Variants in PTPN4 observed in about 807,000 individuals in gnomAD.
The protein encoded by PTPN4 is tyrosine-protein phosphatase non-receptor type 4.
In PTPN4, 49 loss-of-function variants were observed where a neutral mutation model predicts 135.5. That is an observed-to-expected ratio of 0.36 (90% confidence interval 0.29 to 0.46). The LOEUF is 0.46. Among genes scored for constraint, PTPN4 ranks in the 20% least tolerant of loss-of-function variants. The pLI, the probability that PTPN4 is intolerant of heterozygous loss-of-function variation, is 1.00. For synonymous variants in PTPN4, 333 were observed against 369.9 expected, an observed-to-expected ratio of 0.90 and a Z score of 1.14; for missense variants, 860 against 1,101.0, an observed-to-expected ratio of 0.78 and a Z score of 3.10.
chr2:119,781,691 A>G (rs532243334), intron 1 of PTPN4, among the ~76,000 whole-genome samples: 1 of 152,354 alleles, frequency 6.6e-6, no homozygotes, highest in South Asian at 2.1e-4. Context: ...AATAAAAAAT[A>G]TTTCATGACC....
intron 5 of PTPN4, 49 bp from the exon 6 acceptor site, chr2:119,881,737 T>C: frequency 7.8e-7 from 1 of 1,285,064 alleles, no homozygotes; most frequent in Non-Finnish European, 1.1e-6. Flanking sequence ...AGAATTGAAA[T>C]TGTTACAATT....
intron 10 of PTPN4, among the ~76,000 whole-genome samples, chr2:119,906,879 C>T (rs766397356): frequency 6.6e-6 from 1 of 152,160 alleles, no homozygotes; most frequent in Admixed American, 6.5e-5. Flanking sequence ...TCAAATTGTT[C>T]CTCTTTGCAG....
intron 1 of PTPN4, among the ~76,000 whole-genome samples, chr2:119,764,739 T>C (rs1282014317): frequency 6.6e-6 from 1 of 152,230 alleles, no homozygotes; most frequent in African/African-American, 2.4e-5. Context: ...TATTGTCTTA[T>C]GAATTTAGTT....
At chr2:119,956,782 T>C (rs1040983354) in intron 20 of PTPN4, 62 bp from the exon 21 acceptor site, 7 of 1,575,572 alleles carry the variant, frequency 4.4e-6, no homozygotes, top group Non-Finnish European at 6.0e-6. Flanking sequence ...ACAAGTCTGG[T>C]AAACAAAAGA....
chr2:119,930,891 A>G (rs1678895721), intron 13 of PTPN4, among the ~76,000 whole-genome samples: 6 of 151,892 alleles, frequency 4.0e-5, no homozygotes, highest in Admixed American at 3.3e-4. Flanking sequence ...AAAATATCCC[A>G]ATGAGCTAAA....
intron 9 of PTPN4, among the ~76,000 whole-genome samples, chr2:119,889,013 A>T (rs1678199804): frequency 6.6e-6 from 1 of 151,972 alleles, no homozygotes; most frequent in Non-Finnish European, 1.5e-5. Context: ...ACTACACATT[A>T]TTGGTCTCTT....
chr2:119,960,412 T>C (rs1373216095), intron 22 of PTPN4, among the ~76,000 whole-genome samples: 1 of 152,216 alleles, frequency 6.6e-6, no homozygotes, highest in African/African-American at 2.4e-5. Flanking sequence ...ATAAACTATT[T>C]ACAGATAAGT....
At chr2:119,849,386 C>T (rs1677556940) in intron 2 of PTPN4, among the ~76,000 whole-genome samples, 1 of 152,114 alleles carries the variant, frequency 6.6e-6, no homozygotes, top group South Asian at 2.1e-4. Context: ...ACTGCAGCCT[C>T]AACCTCCCAG....
Position 119,984,896 on chromosome 2 carries a change from T to G in PTPN4, c.*7826T>G, listed in dbSNP as rs1679742380. On this transcript the variant is annotated 3_prime_UTR_variant, in exon 27 of 27. Coordinates refer to ENST00000263708, the MANE Select transcript of PTPN4 (RefSeq NM_002830.4). ...AAAATAAAGATGTGCTTTAGTAATC[T>G]AAAGTACAGAAGTTTTGAAGATTAT... Among the ~76,000 whole-genome samples the G allele has an allele frequency of 6.6e-6, 1 of 152,260 alleles. No individual in the cohort carries two copies. Among genetic ancestry groups the G allele is most frequent in the South Asian group, 2.1e-4 (1 of 4,832 alleles).
In PTPN4 at chr2:119,980,934, A is replaced by G. The variant is rs1422110294; in HGVS notation, c.*3864A>G. The G allele has an allele frequency of 6.6e-6, 1 of 152,126 alleles. No individual in the cohort carries two copies. The highest frequency in any genetic ancestry group is 1.5e-5 in the Non-Finnish European group (1 of 67,948). The allele number at this position is 152,126 out of a possible 1,614,324, so 9.4% of individuals were successfully genotyped here. A position where few individuals can be genotyped will look rare whatever the true frequency, so the allele number is the denominator to read the frequency against. ...ATTTATAATGAAATAATTTGTGTTC[A>G]TAATGTGAACATGTAAGATAAGTAA... On this transcript the variant is annotated 3_prime_UTR_variant, in exon 27 of 27. Transcript: ENST00000263708.
At chr2:119,764,706 T>G (rs990143339) in intron 1 of PTPN4, among the ~76,000 whole-genome samples, 2 of 152,146 alleles carry the variant, frequency 1.3e-5, no homozygotes, top group African/African-American at 4.8e-5. Context: ...TTAAAAAAAT[T>G]AAAATAGGAA....
intron 1 of PTPN4, among the ~76,000 whole-genome samples, chr2:119,783,398 C>A (rs1338617981): frequency 1.3e-5 from 2 of 152,184 alleles, no homozygotes; most frequent in Non-Finnish European, 2.9e-5. Context: ...ATTGTGACTT[C>A]TTTTCCCCTT....
At chr2:119,958,835 A>G (rs910700960) in intron 22 of PTPN4, among the ~76,000 whole-genome samples, 6 of 152,204 alleles carry the variant, frequency 3.9e-5, no homozygotes, top group African/African-American at 1.4e-4. Context: ...AAGGAAGCTT[A>G]TCTAACACAC....
rs1307603803 is a variant in PTPN4, at chr2:119,847,315, CAT to C, written c.139-15208_139-15207del. On this transcript the variant is annotated intron_variant, in intron 2 of 26. Coordinates refer to ENST00000263708, the MANE Select transcript of PTPN4 (RefSeq NM_002830.4). ...ACACACACACACACACACACACACA[CAT>C]ATATATATATATTTTTTTTTTTTTT... 8.3e-4 allele frequency among the ~76,000 whole-genome samples: 78 copies of C among 94,496 alleles called. 1 individual carries two copies. Among genetic ancestry groups the C allele is most frequent in the South Asian group, 1.9e-3 (5 of 2,678 alleles). 62.0% of individuals were successfully genotyped at this position (94,496 alleles called of 152,430 possible).
At chr2:119,780,086 T>G (rs1289454300) in intron 1 of PTPN4, among the ~76,000 whole-genome samples, 1 of 152,136 alleles carries the variant, frequency 6.6e-6, no homozygotes, top group African/African-American at 2.4e-5. Flanking sequence ...CAACTTTTTA[T>G]TTTGAATAAT....
At chr2:119,843,544 C>G (rs1180087827) in intron 2 of PTPN4, among the ~76,000 whole-genome samples, 19 of 116,738 alleles carry the variant, frequency 1.6e-4, no homozygotes, top group African/African-American at 6.0e-4. Context: ...CAGAGGGGCT[C>G]CTCACTTCCC....
chr2:119,803,130 A>G (rs552852055), intron 1 of PTPN4, among the ~76,000 whole-genome samples: 1 of 152,110 alleles, frequency 6.6e-6, no homozygotes, highest in East Asian at 1.9e-4. Flanking sequence ...CCTTTAAAGA[A>G]CTAGCTTTTT....
rs1679680678 is a variant in PTPN4 at position 119,980,766 on chromosome 2, C to T, written c.*3696C>T. The stretch of plus-strand genomic sequence containing the variant: ...TAGGACCCCCACTCAGTTTGCTAGT[C>T]ATGCCTGCCTGACAGAACATAAGCT... On this transcript the variant is annotated 3_prime_UTR_variant, in exon 27 of 27. Transcript: ENST00000263708. 1 of 151,972 alleles carries T rather than the reference C, an allele frequency of 6.6e-6. No individual in the cohort carries two copies. The highest frequency in any genetic ancestry group is 2.4e-5 in the African/African-American group (1 of 41,422). The allele number at this position is 151,972 out of a possible 1,614,324, so 9.4% of individuals were successfully genotyped here. A position where few individuals can be genotyped will look rare whatever the true frequency, so the allele number is the denominator to read the frequency against.
intron 1 of PTPN4, among the ~76,000 whole-genome samples, chr2:119,795,026 G>A (rs1032959237): frequency 6.6e-6 from 1 of 152,118 alleles, no homozygotes; most frequent in African/African-American, 2.4e-5. Context: ...TCAGCGGAGA[G>A]GGTAGTTCTT....
Sources: allele counts gnomAD v4.1 joint callset (sites outside exome capture counted in the v4.1 genomes callset), GRCh38; gene constraint gnomAD v4.1.1; transcripts MANE v1.5; gene names NCBI Gene and HGNC (gene_info 2026-07-23, HGNC 2026-07-21).